Variants in CAB39L observed in about 807,000 individuals in gnomAD.
CAB39L encodes calcium binding protein 39 like.
Under a neutral mutation model 39.1 loss-of-function variants are expected in CAB39L, and 23 were observed. The observed-to-expected ratio is 0.59, with a 90% CI of 0.42 to 0.83. CAB39L has a LOEUF of 0.83. Ranked by LOEUF, CAB39L falls within the 40% of genes least tolerant of loss-of-function variation. CAB39L has a pLI of 0.00. For synonymous variants in CAB39L, 126 were observed against 137.2 expected, an observed-to-expected ratio of 0.92 and a Z score of 0.57; for missense variants, 366 against 391.9, an observed-to-expected ratio of 0.93 and a Z score of 0.56.
intron 9 of CAB39L, among the ~76,000 whole-genome samples, chr13:49,337,744 A>G (rs949182022): frequency 2.7e-5 from 4 of 150,828 alleles, no homozygotes; most frequent in African/African-American, 9.8e-5. Flanking sequence ...ACACACACAC[A>G]CACACACACA....
chr13:49,371,050 G>A (rs1002160181), intron 5 of CAB39L, among the ~76,000 whole-genome samples: 24 of 152,004 alleles, frequency 1.6e-4, no homozygotes, highest in African/African-American at 4.6e-4. Flanking sequence ...TGGCTGACAC[G>A]CATAGTAAGC....
At chr13:49,351,084 G>T (rs532911474) in intron 6 of CAB39L, 172 bp from the exon 7 acceptor site, 6 of 364,948 alleles carry the variant, frequency 1.6e-5, no homozygotes, top group Non-Finnish European at 2.9e-5. Flanking sequence ...TATTGCAGAC[G>T]TATTCTGGAA....
chr13:49,399,836 AAAG>A (rs1956724986), intron 3 of CAB39L, among the ~76,000 whole-genome samples: 1 of 152,114 alleles, frequency 6.6e-6, no homozygotes, highest in Admixed American at 6.6e-5. Context: ...GAAAATCTAT[AAAG>A]AAGTAAAAGT....
At chr13:49,348,101 C>T (rs559012215) in intron 7 of CAB39L, among the ~76,000 whole-genome samples, 146 of 152,240 alleles carry the variant, frequency 9.6e-4, no homozygotes, top group Non-Finnish European at 1.7e-3. Context: ...TGTGGACACC[C>T]GAGCAGGCTG....
chr13:49,351,559 G>A (rs2138470900), intron 6 of CAB39L, among the ~76,000 whole-genome samples: 1 of 152,316 alleles, frequency 6.6e-6, no homozygotes, highest in Middle Eastern at 3.4e-3. Context: ...TTTATTTTAA[G>A]TGTAATGGGA....
chr13:49,395,023 C>T (rs996147915), intron 3 of CAB39L, among the ~76,000 whole-genome samples: 8 of 152,146 alleles, frequency 5.3e-5, no homozygotes, highest in Non-Finnish European at 8.8e-5. Flanking sequence ...GAAATGTTAA[C>T]GGTGATTGCC....
chr13:49,366,270 G>T (rs1233185147), intron 5 of CAB39L, among the ~76,000 whole-genome samples: 2 of 151,610 alleles, frequency 1.3e-5, no homozygotes, highest in East Asian at 1.9e-4. Flanking sequence ...TGAGAGGATG[G>T]ATACCCAATT....
At chr13:49,434,003 G>A (rs540198239) in intron 2 of CAB39L, 83 bp downstream of exon 2, 52 of 335,710 alleles carry the variant, frequency 1.5e-4, no homozygotes, top group South Asian at 1.0e-3. Context: ...AGTCACCAGC[G>A]ACAATTTCTG....
chr13:49,384,777 T>C (rs113866784), intron 3 of CAB39L, among the ~76,000 whole-genome samples: 1,597 of 152,282 alleles, frequency 0.01, 10 homozygotes, highest in South Asian at 0.036. Context: ...ATGAGGTACA[T>C]TGTCAATGAG....
intron 5 of CAB39L, among the ~76,000 whole-genome samples, chr13:49,373,270 CT>C (rs35781597): frequency 6.6e-6 from 1 of 152,148 alleles, no homozygotes. Flanking sequence ...GAAATCTAAG[CT>C]TTTTTCTTTC....
chr13:49,393,283 A>G (rs1211501090), intron 3 of CAB39L, among the ~76,000 whole-genome samples: 2 of 152,136 alleles, frequency 1.3e-5, no homozygotes, highest in African/African-American at 4.8e-5. Flanking sequence ...TGAAAAGCAT[A>G]TTTTGATCAT....
intron 4 of CAB39L, among the ~76,000 whole-genome samples, chr13:49,378,615 C>T (rs1470490248): frequency 5.4e-4 from 36 of 67,058 alleles, no homozygotes; most frequent in Admixed American, 1.1e-3. Flanking sequence ...CCCGGCCAGC[C>T]GCCCCGTCCG....
At position 49,442,496 on chromosome 13, in the gene CAB39L, A is replaced by G. The variant is rs544422879; in HGVS notation, c.-246+1490T>C. 7.2e-5 allele frequency among the ~76,000 whole-genome samples: 11 copies of G among 152,284 alleles called. No individual in the cohort carries two copies. The East Asian group carries it at 2.1e-3, about 29-fold the overall frequency. ...ACAAGCATGGAATCAAGTAATTAAG[A>G]AAAATGATTCTCAGGCCAGGTGCCG... On this transcript the variant is annotated intron_variant, in intron 1 of 10. Transcript: ENST00000409308.
intron 7 of CAB39L, among the ~76,000 whole-genome samples, chr13:49,346,105 A>ATATATATATATATATATATATATATATC (rs1955159304): frequency 2.2e-5 from 1 of 45,756 alleles, no homozygotes; most frequent in Non-Finnish European, 4.6e-5. Flanking sequence ...TGCTAGATAT[A>ATATATATATATATATATATATATATATC]TATATATATA....
At chr13:49,344,297 G>A in intron 7 of CAB39L, 59 bp from the exon 8 acceptor site, 1 of 964,972 alleles carries the variant, frequency 1.0e-6, no homozygotes, top group Non-Finnish European at 1.6e-6. Context: ...TTACAAATGT[G>A]TCTTTTCTAA....
At chr13:49,389,076 T>G (rs1462852685) in intron 3 of CAB39L, among the ~76,000 whole-genome samples, 1 of 152,058 alleles carries the variant, frequency 6.6e-6, no homozygotes, top group Non-Finnish European at 1.5e-5. Context: ...AGAAAAGTGT[T>G]GATGAGAATG....
chr13:49,309,862 C>T lies in CAB39L; in HGVS notation c.*952G>A, dbSNP rs536501767. Reference sequence around the variant, plus strand: ...ATTTTTTCACACATGAATCATTTCTCCTTCCAATGGTTATTGATACTGATA... The same window carrying T: ...ATTTTTTCACACATGAATCATTTCTTCTTCCAATGGTTATTGATACTGATA... On this transcript the variant is annotated 3_prime_UTR_variant, in exon 11 of 11. Coordinates refer to ENST00000409308, the MANE Select transcript of CAB39L (RefSeq NM_001079670.3). 4.6e-5 allele frequency: 7 copies of T among 152,290 alleles called. No homozygotes were observed. Among genetic ancestry groups the T allele is most frequent in the Admixed American group, 3.3e-4 (5 of 15,296 alleles). 9.4% of individuals were successfully genotyped at this position (152,290 alleles called of 1,614,324 possible).
In CAB39L at chr13:49,339,713, C is replaced by G. The variant is rs1258297470; in HGVS notation, c.654G>C (p.Gln218His). The stretch of plus-strand genomic sequence containing the variant: ...GTCTCTTAGTAACATAATTCTCAGA[C>G]TGAAGCAATTTCTCATAGTCTTCAA... ...TIFEDYEKLL[Q>H]SENYVTKRQS... is the part of the protein sequence containing the mutation. Residue 218 changes from glutamine to histidine, a missense_variant, in exon 9 of 11, where the codon CAG becomes CAC. Physicochemically the swap from Gln to His is conservative, Grantham distance 24. Transcript: ENST00000409308. 1 of 1,579,508 alleles carries G rather than the reference C, an allele frequency of 6.3e-7. No individual in the cohort carries two copies. Among genetic ancestry groups the G allele is most frequent in the East Asian group, 2.3e-5 (1 of 43,336 alleles).
In CAB39L at chr13:49,338,943, A is replaced by G. The variant is rs144832494; in HGVS notation, c.690+734T>C. ...ATAGCATAAAAAATTCTTTAGGAAA[A>G]TATGTTACAAATCTGGGAGATAAAT... On this transcript the variant is annotated intron_variant, in intron 9 of 10. Transcript: ENST00000409308. 3.2e-3 allele frequency among the ~76,000 whole-genome samples: 491 copies of G among 152,194 alleles called. 1 individual carries two copies. The highest frequency in any genetic ancestry group is 0.011 in the African/African-American group (443 of 41,526).
Sources: gnomAD v4.1 joint callset for allele counts (sites outside exome capture counted in the v4.1 genomes callset) on GRCh38, gnomAD v4.1.1 for gene constraint, MANE v1.5 for transcripts, NCBI Gene and HGNC (gene_info 2026-07-23, HGNC 2026-07-21) for gene names.